CSMD1: variants seen among roughly 807,000 people sequenced by gnomAD.
CSMD1 encodes CUB and sushi domain-containing protein 1.
Under a neutral mutation model 417.5 loss-of-function variants are expected in CSMD1, and 213 were observed. That is an observed-to-expected ratio of 0.51 (90% CI 0.46 to 0.57). The LOEUF (loss-of-function observed/expected upper bound fraction) is 0.57, where lower values mean the gene tolerates loss of function less well. Among genes scored for constraint, CSMD1 ranks in the 20% least tolerant of loss-of-function variants. The probability of loss-of-function intolerance (pLI) is 0.00; values close to 1 mark genes in which losing one functional copy is unlikely to be tolerated. For synonymous variants in CSMD1, 2,862 were observed against 1,736.8 expected, an observed-to-expected ratio of 1.65 and a Z score of -16.11; for missense variants, 6,923 against 4,529.7, an observed-to-expected ratio of 1.53 and a Z score of -15.17.
At chr8:4,225,784 G>GTT (rs1563301917) in intron 3 of CSMD1, among the ~76,000 whole-genome samples, 3 of 152,114 alleles carry the variant, frequency 2.0e-5, no homozygotes, top group African/African-American at 7.2e-5. Flanking sequence ...TCTATTCAGA[G>GTT]TGAAATTAAT....
chr8:3,305,575 C>G (rs1031854435), intron 25 of CSMD1, among the ~76,000 whole-genome samples: 2 of 151,278 alleles, frequency 1.3e-5, no homozygotes, highest in East Asian at 3.9e-4. Flanking sequence ...TACTTCCTTG[C>G]TATGTGATGC....
chr8:3,395,054 C>G (rs956016660), intron 17 of CSMD1, among the ~76,000 whole-genome samples: 1 of 151,938 alleles, frequency 6.6e-6, no homozygotes, highest in African/African-American at 2.4e-5. Flanking sequence ...GAGTGGGGCT[C>G]AGGGAGAGGG....
In CSMD1 at chr8:3,330,913, C is replaced by T. The variant is rs184771312; in HGVS notation, c.3631+12381G>A. Among the ~76,000 whole-genome samples the T allele has an allele frequency of 1.8e-3, 277 of 152,150 alleles. 1 individual carries two copies. Among genetic ancestry groups the T allele is most frequent in the African/African-American group, 6.3e-3 (262 of 41,492 alleles). ...AATGCTAAAATATTACTTCTTACCA[C>T]GTATGAGAGATGACATCTTAAATAA... On this transcript the variant is annotated intron_variant, in intron 23 of 69. Transcript: ENST00000635120.
chr8:4,483,513 T>C (rs1193055140), intron 2 of CSMD1, among the ~76,000 whole-genome samples: 2 of 152,204 alleles, frequency 1.3e-5, no homozygotes, highest in Non-Finnish European at 2.9e-5. Flanking sequence ...ATGAAAGTCA[T>C]ACAAACATGA....
intron 1 of CSMD1, among the ~76,000 whole-genome samples, chr8:4,884,232 C>A (rs555089397): frequency 5.9e-5 from 9 of 151,944 alleles, no homozygotes; most frequent in African/African-American, 1.9e-4. Context: ...TACACACACA[C>A]ATACCTATGT....
chr8:3,218,600 G>C (rs534925480), intron 29 of CSMD1, among the ~76,000 whole-genome samples: 1 of 150,846 alleles, frequency 6.6e-6, no homozygotes, highest in South Asian at 2.1e-4. Flanking sequence ...GGCTGGGCAC[G>C]GTGACTCACG....
chr8:3,651,848 C>T (rs886113637), intron 7 of CSMD1, among the ~76,000 whole-genome samples: 10 of 151,296 alleles, frequency 6.6e-5, no homozygotes, highest in South Asian at 2.1e-4. Context: ...CACCCACCAT[C>T]GCACTTACCA....
intron 3 of CSMD1, among the ~76,000 whole-genome samples, chr8:4,202,776 G>C (rs192460184): frequency 2.3e-4 from 35 of 152,308 alleles, no homozygotes; most frequent in Non-Finnish European, 3.5e-4. Context: ...TGATAGAACA[G>C]AGAATAAAAC....
intron 3 of CSMD1, among the ~76,000 whole-genome samples, chr8:4,306,909 C>G (rs1453423694): frequency 6.6e-6 from 1 of 152,044 alleles, no homozygotes; most frequent in African/African-American, 2.4e-5. Flanking sequence ...TAAAAATATA[C>G]TTCAAAATCC....
At chr8:4,305,547 G>T (rs569161514) in intron 3 of CSMD1, among the ~76,000 whole-genome samples, 2 of 152,154 alleles carry the variant, frequency 1.3e-5, no homozygotes, top group Admixed American at 6.5e-5. Flanking sequence ...CAGTATTGCT[G>T]TTCTCTCTGG....
chr8:4,077,691 C>A (rs914162180), intron 3 of CSMD1, among the ~76,000 whole-genome samples: 2 of 152,126 alleles, frequency 1.3e-5, no homozygotes, highest in African/African-American at 4.8e-5. Context: ...TTTCCTAAGA[C>A]AGAGTTTAAT....
chr8:3,266,603 TCA>T (rs1801449318), intron 26 of CSMD1, among the ~76,000 whole-genome samples: 1 of 19,650 alleles, frequency 5.1e-5, no homozygotes. Flanking sequence ...AGACTCCCTC[TCA>T]AAAAAAAAAA....
intron 7 of CSMD1, among the ~76,000 whole-genome samples, chr8:3,654,690 G>C (rs1020996534): frequency 6.6e-6 from 1 of 152,156 alleles, no homozygotes; most frequent in African/African-American, 2.4e-5. Context: ...CTGAGATTCG[G>C]GTCAGAGCCA....
At chr8:4,823,446 C>G (rs1440851954) in intron 1 of CSMD1, among the ~76,000 whole-genome samples, 1 of 151,950 alleles carries the variant, frequency 6.6e-6, no homozygotes, top group Non-Finnish European at 1.5e-5. Flanking sequence ...TCCTCACTCA[C>G]TGGTAAAATG....
At position 3,448,426 on chromosome 8, in the gene CSMD1, A is replaced by AGGAAGGGGGGGAG. The variant is rs532643101; in HGVS notation, c.1561+20285_1561+20286insCTCCCCCCCTTCC. 2.1e-5 allele frequency among the ~76,000 whole-genome samples: 2 copies of AGGAAGGGGGGGAG among 96,098 alleles called. 1 individual carries two copies. The highest frequency in any genetic ancestry group is 8.7e-5 in the African/African-American group (2 of 22,862). 63.0% of individuals were successfully genotyped at this position (96,098 alleles called of 152,430 possible). On this transcript the variant is annotated intron_variant, in intron 12 of 69. Coordinates refer to ENST00000635120, the MANE Select transcript of CSMD1 (RefSeq NM_033225.6). ...AGGAAGGAAGGAAGGAAGGGAAGGA[A>AGGAAGGGGGGGAG]GAAGGAGCAATGAAGATGACTGTGG...
intron 25 of CSMD1, among the ~76,000 whole-genome samples, chr8:3,305,175 A>C (rs186318008): frequency 1.3e-5 from 2 of 152,150 alleles, no homozygotes; most frequent in African/African-American, 2.4e-5. Flanking sequence ...GTGAGCCGCT[A>C]TGCCTGGCCT....
intron 26 of CSMD1, among the ~76,000 whole-genome samples, chr8:3,258,529 G>A (rs1323242127): frequency 6.6e-6 from 1 of 152,214 alleles, no homozygotes; most frequent in Non-Finnish European, 1.5e-5. Context: ...ATGGAAGACA[G>A]TGTGGTGATT....
chr8:3,202,172 A>G (rs939679878), intron 31 of CSMD1, among the ~76,000 whole-genome samples: 23 of 152,310 alleles, frequency 1.5e-4, no homozygotes, highest in African/African-American at 5.5e-4. Context: ...TGTCTCAAGA[A>G]AAAAAAGAAT....
At chr8:3,493,374 A>G (rs772641686) in intron 11 of CSMD1, among the ~76,000 whole-genome samples, 3 of 151,828 alleles carry the variant, frequency 2.0e-5, no homozygotes, top group Non-Finnish European at 2.9e-5. Context: ...GAGTATACTA[A>G]TTTTTTGCCA....
Sources: gnomAD v4.1 joint callset for allele counts (sites outside exome capture counted in the v4.1 genomes callset) on GRCh38, gnomAD v4.1.1 for gene constraint, MANE v1.5 for transcripts, NCBI Gene and HGNC (gene_info 2026-07-23, HGNC 2026-07-21) for gene names.